The following PTPRM variants were observed in gnomAD, a reference collection of about 807,000 sequenced individuals.
PTPRM encodes the protein protein tyrosine phosphatase receptor type M, also known as receptor-type tyrosine-protein phosphatase mu.
Under a neutral mutation model 186.7 loss-of-function variants are expected in PTPRM, and 47 were observed. The ratio of observed to expected loss-of-function variants is 0.25; its 90% CI spans 0.20 to 0.32. The LOEUF is 0.32. Among genes scored for constraint, PTPRM ranks in the 10% least tolerant of loss-of-function variants. PTPRM has a pLI of 1.00. For synonymous variants in PTPRM, 668 were observed against 674.9 expected (o/e 0.99, Z 0.16); for missense variants, 1,494 against 1,865.0 (o/e 0.80, Z 3.66).
At chr18:8,296,959 A>G (rs942189545) in intron 20 of PTPRM, among the ~76,000 whole-genome samples, 1 of 152,206 alleles carries the variant, frequency 6.6e-6, no homozygotes, top group Non-Finnish European at 1.5e-5. Context: ...CATTAGCAAA[A>G]GAACTAGGAT....
intron 7 of PTPRM, among the ~76,000 whole-genome samples, chr18:7,984,594 T>TACACAC (rs1182740403): frequency 1.7e-5 from 2 of 120,168 alleles, no homozygotes; most frequent in African/African-American, 6.7e-5. Context: ...TATATATATA[T>TACACAC]ATATATATAC....
At chr18:8,012,304 C>T (rs1046437122) in intron 7 of PTPRM, among the ~76,000 whole-genome samples, 10 of 152,006 alleles carry the variant, frequency 6.6e-5, no homozygotes, top group African/African-American at 1.7e-4. Context: ...TTTTTTGTTT[C>T]CAGAGGCTCT....
At chr18:8,070,778 T>A (rs2148446222) in intron 8 of PTPRM, among the ~76,000 whole-genome samples, 1 of 152,286 alleles carries the variant, frequency 6.6e-6, no homozygotes, top group East Asian at 1.9e-4. Context: ...TAAAAATCAT[T>A]TTTCCGGCAT....
At chr18:8,256,334 A>ATCTAACC (rs1317462587) in intron 19 of PTPRM, among the ~76,000 whole-genome samples, 1 of 152,208 alleles carries the variant, frequency 6.6e-6, no homozygotes, top group African/African-American at 2.4e-5. Context: ...TCGGCAAGTT[A>ATCTAACC]TCTAACCTCT....
At chr18:7,970,641 C>T (rs1325391170) in intron 7 of PTPRM, among the ~76,000 whole-genome samples, 1 of 94,926 alleles carries the variant, frequency 1.1e-5, no homozygotes, top group Non-Finnish European at 2.0e-5. Context: ...GTACAAAAAT[C>T]ACAATCATTC....
intron 15 of PTPRM, among the ~76,000 whole-genome samples, chr18:8,246,917 C>T (rs2094482393): frequency 6.6e-6 from 1 of 152,124 alleles, no homozygotes; most frequent in African/African-American, 2.4e-5. Flanking sequence ...TCATGCTTCC[C>T]ATAAATATAA....
At chr18:7,813,706 T>G (rs2145513615) in intron 2 of PTPRM, among the ~76,000 whole-genome samples, 1 of 152,284 alleles carries the variant, frequency 6.6e-6, no homozygotes, top group Non-Finnish European at 1.5e-5. Flanking sequence ...ATTAGGCATA[T>G]GTTAAAACTT....
intron 14 of PTPRM, among the ~76,000 whole-genome samples, chr18:8,225,464 G>A (rs1368499208): frequency 6.6e-6 from 1 of 151,980 alleles, no homozygotes; most frequent in Non-Finnish European, 1.5e-5. Flanking sequence ...CTCATCTTCT[G>A]TATTGTCTGC....
At chr18:8,122,071 T>G (rs939294932) in intron 13 of PTPRM, 3 of 152,342 alleles carry the variant, frequency 2.0e-5, no homozygotes, top group African/African-American at 7.2e-5. Context: ...ATTCAGAATA[T>G]TCAGCACCTT....
At chr18:7,577,173 A>G (rs1174034111) in intron 1 of PTPRM, among the ~76,000 whole-genome samples, 1 of 152,194 alleles carries the variant, frequency 6.6e-6, no homozygotes, top group African/African-American at 2.4e-5. Flanking sequence ...GCCTGGTGCC[A>G]TTAGCAATTT....
chr18:7,845,502 A>G (rs954665478), intron 2 of PTPRM, among the ~76,000 whole-genome samples: 7 of 152,100 alleles, frequency 4.6e-5, no homozygotes, highest in African/African-American at 1.4e-4. Context: ...TTCCTGCAGG[A>G]TTTTCTTATG....
At chr18:7,935,781 AATACCTGTTAGG>A (rs2146904310) in intron 5 of PTPRM, among the ~76,000 whole-genome samples, 1 of 152,272 alleles carries the variant, frequency 6.6e-6, no homozygotes, top group Admixed American at 6.5e-5. Context: ...TGGCGAACAT[AATACCTGTTAGG>A]TAGTTTTTTG....
intron 19 of PTPRM, among the ~76,000 whole-genome samples, chr18:8,281,403 A>G (rs995254498): frequency 6.6e-6 from 1 of 152,170 alleles, no homozygotes. Context: ...TGCGGGGATT[A>G]TCTTAGGGAC....
intron 1 of PTPRM, among the ~76,000 whole-genome samples, chr18:7,674,735 C>T (rs779434803): frequency 2.0e-5 from 3 of 152,122 alleles, no homozygotes; most frequent in African/African-American, 4.8e-5. Flanking sequence ...TTATTTTGCC[C>T]ATAACATAGA....
rs370828963 is a variant in PTPRM, at chr18:7,969,560, G to T, written c.1132+14146G>T. Among the ~76,000 whole-genome samples, 62 of 148,772 alleles carry T rather than the reference G, an allele frequency of 4.2e-4. No individual in the cohort carries two copies. The East Asian group carries it at 9.3e-3, about 22-fold the overall frequency. ...GTTCAACAAAATTGATAGACCGCTA[G>T]CAAGACTAATAAAGAAAAAAAGAGA... On this transcript the variant is annotated intron_variant, in intron 7 of 32. Transcript: ENST00000580170.
In PTPRM at chr18:7,908,231, A is replaced by G. The variant is rs1332262443; in HGVS notation, c.547+1648A>G. Among the ~76,000 whole-genome samples, 4 of 152,172 alleles carry G rather than the reference A, an allele frequency of 2.6e-5. No homozygotes were observed. The South Asian group carries it at 8.3e-4, about 32-fold the overall frequency. On this transcript the variant is annotated intron_variant, in intron 4 of 32. Transcript: ENST00000580170. ...TTTATTTTCCCTGTATCTTTGTTCA[A>G]AATTGATATCACCAGACTTCAAATT...
chr18:8,372,873 C>CAATA (rs780325849), intron 24 of PTPRM, among the ~76,000 whole-genome samples: 2 of 151,758 alleles, frequency 1.3e-5, no homozygotes, highest in Non-Finnish European at 2.9e-5. Context: ...TTTTTTTGAA[C>CAATA]AATAGTCAGC....
At chr18:7,581,353 G>C (rs781057512) in intron 1 of PTPRM, among the ~76,000 whole-genome samples, 1 of 151,940 alleles carries the variant, frequency 6.6e-6, no homozygotes, top group Non-Finnish European at 1.5e-5. Flanking sequence ...CCTGTGATTG[G>C]GCTCCAAGAA....
At chr18:7,757,244 G>A (rs920718129) in intron 1 of PTPRM, among the ~76,000 whole-genome samples, 1 of 152,164 alleles carries the variant, frequency 6.6e-6, no homozygotes, top group Non-Finnish European at 1.5e-5. Context: ...AATTATAGTA[G>A]GTCACACATG....
Sources: gnomAD v4.1 joint callset for allele counts (sites outside exome capture counted in the v4.1 genomes callset) on GRCh38, gnomAD v4.1.1 for gene constraint, MANE v1.5 for transcripts, NCBI Gene and HGNC (gene_info 2026-07-23, HGNC 2026-07-21) for gene names.